The following GLIS3 variants were observed in gnomAD, a reference collection of about 807,000 sequenced individuals.
The protein encoded by GLIS3 is zinc finger protein GLIS3.
A neutral mutation model predicts 78.6 loss-of-function variants in GLIS3; 53 were observed. The observed-to-expected ratio is 0.67, with a 90% CI of 0.54 to 0.85. The LOEUF (loss-of-function observed/expected upper bound fraction) is 0.85, where lower values mean the gene tolerates loss of function less well. Ranked by LOEUF, GLIS3 falls within the 40% of genes least tolerant of loss-of-function variation. GLIS3 has a pLI of 0.00. For missense variants in GLIS3, 1,703 were observed against 1,231.1 expected, an observed-to-expected ratio of 1.38 and a Z score of -5.74; for synonymous variants, 684 against 509.9, an observed-to-expected ratio of 1.34 and a Z score of -4.60.
chr9:4,293,619 C>G (rs1180745368), intron 1 of GLIS3, among the ~76,000 whole-genome samples: 1 of 152,186 alleles, frequency 6.6e-6, no homozygotes, highest in Non-Finnish European at 1.5e-5. Flanking sequence ...ACAAGAATAA[C>G]AAAACTTCGT....
the GLIS3 span, among the ~76,000 whole-genome samples, chr9:4,378,547 A>G: frequency 1.7e-3 from 256 of 152,296 alleles, no homozygotes; most frequent in Non-Finnish European, 2.7e-3. Context: ...TTGACTAGGC[A>G]CCTGTATTTT....
At chr9:4,432,200 T>G in the GLIS3 span, among the ~76,000 whole-genome samples, 1 of 151,434 alleles carries the variant, frequency 6.6e-6, no homozygotes, top group Non-Finnish European at 1.5e-5. Flanking sequence ...AAGTGCCTCG[T>G]ACAAAGGTCA....
chr9:3,881,686 C>A (rs1821738142), intron 7 of GLIS3, among the ~76,000 whole-genome samples: 1 of 152,182 alleles, frequency 6.6e-6, no homozygotes, highest in Non-Finnish European at 1.5e-5. Context: ...CATCTGTTCA[C>A]CCATCTATCA....
At chr9:3,856,344 T>C (rs1299334657) in intron 8 of GLIS3, among the ~76,000 whole-genome samples, 160 bp from the exon 9 acceptor site, 1 of 152,032 alleles carries the variant, frequency 6.6e-6, no homozygotes, top group Admixed American at 6.6e-5. Flanking sequence ...CTACCCTCTC[T>C]CCCTCCCCAC....
intron 7 of GLIS3, among the ~76,000 whole-genome samples, chr9:3,894,444 T>G (rs1054377829): frequency 1.3e-5 from 2 of 152,126 alleles, no homozygotes; most frequent in African/African-American, 4.8e-5. Context: ...ACAGCAAATA[T>G]ACTCAATTTA....
chr9:3,894,399 A>G (rs184646257), intron 7 of GLIS3, among the ~76,000 whole-genome samples: 1 of 152,230 alleles, frequency 6.6e-6, no homozygotes, highest in African/African-American at 2.4e-5. Context: ...TTTACAGAAA[A>G]TTATTTCTAA....
At chr9:4,306,588 G>A (rs552707475) in intron 4 of GLIS3, among the ~76,000 whole-genome samples, 1 of 152,262 alleles carries the variant, frequency 6.6e-6, no homozygotes, top group Admixed American at 6.5e-5. Flanking sequence ...TACTGAAATA[G>A]GATTTTTCTC....
At chr9:4,413,180 T>G in the GLIS3 span, among the ~76,000 whole-genome samples, 2 of 152,222 alleles carry the variant, frequency 1.3e-5, no homozygotes, top group African/African-American at 4.8e-5. Context: ...GTTCTGGATG[T>G]GATACCCACT....
the GLIS3 span, among the ~76,000 whole-genome samples, chr9:4,488,065 T>A: frequency 6.6e-6 from 1 of 151,836 alleles, no homozygotes; most frequent in Non-Finnish European, 1.5e-5. Flanking sequence ...GCATATTTCT[T>A]CTGGTCTTTT....
chr9:3,905,741 C>G (rs765078450), intron 6 of GLIS3, among the ~76,000 whole-genome samples: 1 of 152,168 alleles, frequency 6.6e-6, no homozygotes, highest in African/African-American at 2.4e-5. Flanking sequence ...CAGGGAGTCA[C>G]TGAACTCAGT....
At chr9:4,079,972 T>C (rs935706829) in intron 4 of GLIS3, among the ~76,000 whole-genome samples, 5 of 152,220 alleles carry the variant, frequency 3.3e-5, no homozygotes, top group African/African-American at 1.2e-4. Context: ...ATACTCTGAA[T>C]ACTCTCCTCC....
intron 2 of GLIS3, among the ~76,000 whole-genome samples, chr9:4,165,689 G>T (rs1835829428): frequency 6.6e-6 from 1 of 152,214 alleles, no homozygotes; most frequent in Non-Finnish European, 1.5e-5. Flanking sequence ...TTTTGAACAA[G>T]TTGAGTATGA....
intron 4 of GLIS3, among the ~76,000 whole-genome samples, chr9:4,075,411 C>CAAAAAAAAAAAAAAAAAAAAAAAA (rs59194808): frequency 8.5e-6 from 1 of 118,188 alleles, no homozygotes; most frequent in African/African-American, 3.2e-5. Flanking sequence ...ACTAAAAATA[C>CAAAAAAAAAAAAAAAAAAAAAAAA]AAAAAAAAAA....
rs527460180 is a variant in GLIS3 at position 4,244,090 on chromosome 9, CCTAA to C, written c.388+41944_388+41947del. ...TCTGAATTCCACTCATCTTTCCAGC[CCTAA>C]CTAACATTCCAAGCCTTCCATAAAT... On this transcript the variant is annotated intron_variant, in intron 2 of 10. Coordinates refer to ENST00000381971, the MANE Select transcript of GLIS3 (RefSeq NM_001042413.2). 3.8e-4 allele frequency among the ~76,000 whole-genome samples: 58 copies of C among 152,306 alleles called. 1 individual carries two copies. The East Asian group carries it at 0.011, about 28-fold the overall frequency.
At chr9:4,102,673 T>G (rs1830463220) in intron 4 of GLIS3, among the ~76,000 whole-genome samples, 4 of 152,182 alleles carry the variant, frequency 2.6e-5, no homozygotes, top group Admixed American at 6.5e-5. Flanking sequence ...CTGCCGTAAC[T>G]AGTAGGATAG....
chr9:4,240,060 T>C (rs1823144771), intron 2 of GLIS3, among the ~76,000 whole-genome samples: 1 of 152,112 alleles, frequency 6.6e-6, no homozygotes. Flanking sequence ...ATAGATAAAA[T>C]TATAGTATGT....
At chr9:4,039,795 T>C (rs979078297) in intron 4 of GLIS3, among the ~76,000 whole-genome samples, 3 of 152,230 alleles carry the variant, frequency 2.0e-5, no homozygotes, top group African/African-American at 7.2e-5. Flanking sequence ...ACTACTACAG[T>C]ATAATGTCAC....
intron 2 of GLIS3, among the ~76,000 whole-genome samples, chr9:4,231,551 A>G (rs1033770518): frequency 7.2e-5 from 11 of 152,214 alleles, no homozygotes; most frequent in African/African-American, 2.7e-4. Flanking sequence ...AGATAAATCC[A>G]CATCTAGATA....
chr9:4,351,394 C>G (rs1215230218), upstream of GLIS3, among the ~76,000 whole-genome samples: 20 of 53,472 alleles, frequency 3.7e-4, no homozygotes, highest in Non-Finnish European at 6.9e-4. Context: ...AACAGAGTGT[C>G]TCAAAAAAAA....
Sources: gnomAD v4.1 joint callset for allele counts (sites outside exome capture counted in the v4.1 genomes callset) on GRCh38, gnomAD v4.1.1 for gene constraint, MANE v1.5 for transcripts, NCBI Gene and HGNC (gene_info 2026-07-23, HGNC 2026-07-21) for gene names.